Variants in SETD5 observed in about 807,000 individuals in gnomAD.
SETD5 encodes the protein SET domain containing 5, also known as histone-lysine N-methyltransferase SETD5.
In SETD5, 44 loss-of-function variants were observed where a neutral mutation model predicts 153.3. That is an observed-to-expected ratio of 0.29 (90% CI 0.23 to 0.37). SETD5 has a LOEUF of 0.37. SETD5 is among the 10% of genes least tolerant of loss of function. The pLI is 1.00. For missense variants in SETD5, 1,544 were observed against 1,768.0 expected (o/e 0.87, Z 2.27); for synonymous variants, 716 against 645.2 (o/e 1.11, Z -1.66).
intron 19 of SETD5, among the ~76,000 whole-genome samples, chr3:9,471,465 G>A (rs578107248): frequency 6.6e-6 from 1 of 152,196 alleles, no homozygotes; most frequent in Non-Finnish European, 1.5e-5. Flanking sequence ...TGAGGGTGAG[G>A]TATGTTACAG....
At chr3:9,472,938 G>T (rs1156905371) in intron 19 of SETD5, among the ~76,000 whole-genome samples, 1 of 152,148 alleles carries the variant, frequency 6.6e-6, no homozygotes, top group Non-Finnish European at 1.5e-5. Context: ...AACCTCACAA[G>T]TTTTTCTGAA....
chr3:9,447,635 G>T, intron 14 of SETD5, 51 bp from the exon 15 acceptor site: 1 of 1,566,594 alleles, frequency 6.4e-7, no homozygotes. Context: ...AAATTAGACT[G>T]TTTGCTGATA....
At chr3:9,433,432 T>C in intron 3 of SETD5, 3 of 1,289,952 alleles carry the variant, frequency 2.3e-6, no homozygotes, top group Non-Finnish European at 3.0e-6. Flanking sequence ...AGAAGGCACT[T>C]TGATCATCTC....
At chr3:9,429,127 A>C (rs1258811913) in intron 3 of SETD5, 118 bp downstream of exon 3, 8 of 617,062 alleles carry the variant, frequency 1.3e-5, no homozygotes, top group Non-Finnish European at 1.9e-5. Flanking sequence ...TTCCACTGTA[A>C]TTAACATTAG....
intron 2 of SETD5, among the ~76,000 whole-genome samples, chr3:9,426,758 G>GA (rs1386588280): frequency 6.6e-6 from 1 of 151,690 alleles, no homozygotes; most frequent in Non-Finnish European, 1.5e-5. Flanking sequence ...GGCTGGTCTC[G>GA]AACTCCCAAG....
chr3:9,452,236 T>C (rs1050630262), intron 16 of SETD5, among the ~76,000 whole-genome samples: 1 of 152,216 alleles, frequency 6.6e-6, no homozygotes, highest in African/African-American at 2.4e-5. Flanking sequence ...AAAAAATTAC[T>C]CAGATAGGAA....
Position 9,428,935 on chromosome 3 carries a change from C to T in SETD5, c.-4C>T, listed in dbSNP as rs2039635429. The T allele has an allele frequency of 4.3e-6, 7 of 1,611,552 alleles. No homozygotes were observed. The highest frequency in any genetic ancestry group is 5.9e-6 in the Non-Finnish European group (7 of 1,178,408). On this transcript the variant is annotated 5_prime_UTR_variant, in exon 3 of 23. It adds an upstream start codon to the 5' untranslated region. Coordinates refer to ENST00000402198, the MANE Select transcript of SETD5 (RefSeq NM_001080517.3). ...GATTTCCAATCTCTGCTGTGTTGGA[C>T]GTCATGAGCATTGCAATCCCTCTGG...
chr3:9,459,315 T>C (rs536366024), intron 17 of SETD5, among the ~76,000 whole-genome samples: 7 of 152,352 alleles, frequency 4.6e-5, no homozygotes, highest in Admixed American at 2.0e-4. Flanking sequence ...TGTAATTTTA[T>C]CTGCTTGTGC....
intron 10 of SETD5, chr3:9,443,080 A>G (rs2041504851): frequency 1.3e-5 from 5 of 395,160 alleles, no homozygotes; most frequent in South Asian, 7.7e-5. Flanking sequence ...CCTGATTTCT[A>G]ACATCTCAAG....
chr3:9,409,658 C>G (rs1310790175), intron 1 of SETD5, among the ~76,000 whole-genome samples: 1 of 152,138 alleles, frequency 6.6e-6, no homozygotes, highest in Non-Finnish European at 1.5e-5. Context: ...AAAAATGGTA[C>G]TTAGAAACCA....
Position 9,436,781 on chromosome 3 carries a change from CAGAT to C in SETD5, c.567+878_567+881del, listed in dbSNP as rs939250880. On this transcript the variant is annotated intron_variant, in intron 7 of 22. Coordinates refer to ENST00000402198, the MANE Select transcript of SETD5 (RefSeq NM_001080517.3). ...CTAGTTTGTGCCTTAGTTTTAGTCT[CAGAT>C]AGGTATAACTGTCATTCTTGGTACC... 72 of 1,390,606 alleles carry C rather than the reference CAGAT, an allele frequency of 5.2e-5. No homozygotes were observed. The African/African-American group carries it at 6.2e-4, about 12-fold the overall frequency. The allele number at this position is 1,390,606 out of a possible 1,614,324, so 86.1% of individuals were successfully genotyped here.
At chr3:9,398,104 G>A (rs1170800295) in intron 1 of SETD5, 127 bp downstream of exon 1, 1 of 152,332 alleles carries the variant, frequency 6.6e-6, no homozygotes, top group Non-Finnish European at 1.5e-5. Context: ...AAGCTCTTAG[G>A]AGGATGCTGC....
intron 1 of SETD5, among the ~76,000 whole-genome samples, chr3:9,424,081 G>A (rs1031935942): frequency 1.3e-5 from 2 of 152,124 alleles, no homozygotes; most frequent in South Asian, 4.1e-4. Context: ...GTCGGACATC[G>A]GGTTAAAGAA....
chr3:9,423,444 A>C (rs2038710205), intron 1 of SETD5, among the ~76,000 whole-genome samples: 1 of 152,180 alleles, frequency 6.6e-6, no homozygotes, highest in Non-Finnish European at 1.5e-5. Flanking sequence ...TAGTTAAATT[A>C]ATAATAAATT....
chr3:9,461,997 A>G (rs771666921), intron 17 of SETD5, among the ~76,000 whole-genome samples: 1 of 152,276 alleles, frequency 6.6e-6, no homozygotes, highest in African/African-American at 2.4e-5. Flanking sequence ...ATATACTTCC[A>G]ATCTAGGAAT....
Position 9,440,952 on chromosome 3 carries a change from A to G in SETD5, c.810+254A>G, listed in dbSNP as rs944381413. 5.3e-5 allele frequency among the ~76,000 whole-genome samples: 8 copies of G among 152,308 alleles called. 1 individual carries two copies. The South Asian group carries it at 6.2e-4, about 12-fold the overall frequency. On this transcript the variant is annotated intron_variant, in intron 8 of 22. Coordinates refer to ENST00000402198, the MANE Select transcript of SETD5 (RefSeq NM_001080517.3). ...GTGTGCAGTGCAGTGGCTCACTCCT[A>G]TAATACAACACTTTGGCAAGAAGCC... is the stretch of plus-strand genomic sequence containing the variant.
chr3:9,431,040 A>G (rs1455986496), intron 3 of SETD5: 2 of 985,274 alleles, frequency 2.0e-6, no homozygotes, highest in Non-Finnish European at 1.2e-6. Context: ...CATCATGCCT[A>G]TTTCGCTGTT....
At position 9,473,421 on chromosome 3, in the gene SETD5, C is replaced by G; in HGVS notation, c.3381C>G (p.His1127Gln). 1 of 1,613,960 alleles carries G rather than the reference C, an allele frequency of 6.2e-7. No individual in the cohort carries two copies. Among genetic ancestry groups the G allele is most frequent in the South Asian group, 1.1e-5 (1 of 91,070 alleles). ...GSSARTPSSPHKKFSPSHSSM... is the reference protein window; with the variant it reads ...GSSARTPSSPQKKFSPSHSSM... ...CAGCCCGAACTCCATCTTCCCCTCA[C>G]AAAAAATTCTCCCCATCTCATTCCT... Residue 1127 changes from histidine (H) to glutamine (Q), a missense_variant, in exon 20 of 23, where the codon CAC (histidine) becomes CAG (glutamine). His to Gln is a conservative substitution (Grantham distance 24). Transcript: ENST00000402198.
chr3:9,453,006 C>T (rs1229670731), intron 16 of SETD5, among the ~76,000 whole-genome samples: 1 of 152,102 alleles, frequency 6.6e-6, no homozygotes. Flanking sequence ...CTAATCTTTG[C>T]AGGTTTACTA....
Sources: gnomAD v4.1 joint callset for allele counts (sites outside exome capture counted in the v4.1 genomes callset) on GRCh38, gnomAD v4.1.1 for gene constraint, MANE v1.5 for transcripts, NCBI Gene and HGNC (gene_info 2026-07-23, HGNC 2026-07-21) for gene names.